SPG21: variants seen among roughly 807,000 people sequenced by gnomAD.
SPG21 encodes SPG21 abhydrolase domain containing, maspardin, also known as maspardin.
Under a neutral mutation model 38.9 loss-of-function variants are expected in SPG21, and 26 were observed. The observed-to-expected ratio is 0.67, with a 90% confidence interval of 0.49 to 0.93. The LOEUF (loss-of-function observed/expected upper bound fraction) is 0.93, where lower values mean the gene tolerates loss of function less well. Among genes scored for constraint, SPG21 ranks in the 40% least tolerant of loss-of-function variants. The pLI is 0.00. For synonymous variants in SPG21, 136 were observed against 128.9 expected (o/e 1.05, Z -0.37); for missense variants, 333 against 376.5 (o/e 0.88, Z 0.96).
intron 5 of SPG21, among the ~76,000 whole-genome samples, chr15:64,973,692 G>A (rs534390504): frequency 3.3e-5 from 5 of 151,998 alleles, no homozygotes; most frequent in African/African-American, 7.2e-5. Context: ...CAGGTGATCC[G>A]GCCGCCTCGG....
intron 6 of SPG21, 53 bp from the exon 7 acceptor site, chr15:64,969,415 T>C: frequency 8.0e-7 from 1 of 1,244,466 alleles, no homozygotes; most frequent in Non-Finnish European, 1.2e-6. Context: ...TTTTCACATT[T>C]ACATTAAATC....
chr15:64,987,434 C>T (rs779217353), intron 1 of SPG21: 1 of 152,212 alleles, frequency 6.6e-6, no homozygotes, highest in African/African-American at 2.4e-5. Flanking sequence ...GTTTGTTCTC[C>T]TAGCTCTCTT....
chr15:64,986,680 A>C (rs1566933547), intron 1 of SPG21, among the ~76,000 whole-genome samples: 2 of 148,760 alleles, frequency 1.3e-5, no homozygotes, highest in African/African-American at 5.0e-5. Flanking sequence ...AGTCTGTCTC[A>C]AAAACAAAAC....
intron 1 of SPG21, among the ~76,000 whole-genome samples, chr15:64,986,306 C>T (rs1041617697): frequency 3.3e-5 from 5 of 152,078 alleles, no homozygotes; most frequent in African/African-American, 7.2e-5. Context: ...GCAGAGGTTG[C>T]GGTGAGCCAA....
chr15:64,984,636 G>A (rs1189870657), intron 1 of SPG21, among the ~76,000 whole-genome samples: 1 of 152,070 alleles, frequency 6.6e-6, no homozygotes. Flanking sequence ...ACGGGTATGA[G>A]CTACCACACC....
rs763037150 is a variant in SPG21, at chr15:64,980,987, G to C, written c.102C>G (p.Leu34=). ...VDDDDSKIWS[L]YDAGPRSIRC... ...TGATACTTCGGGGGCCCGCGTCATA[G>C]AGCGACCATATCTTACTGTCATCAT... Residue 34 remains leucine (L), a synonymous_variant, in exon 3 of 9, where the codon CTC becomes CTG. Coordinates refer to ENST00000204566, the MANE Select transcript of SPG21 (RefSeq NM_016630.7). 30 of 1,614,028 alleles carry C rather than the reference G, an allele frequency of 1.9e-5. No homozygotes were observed. Among genetic ancestry groups the C allele is most frequent in the Non-Finnish European group, 2.5e-5 (30 of 1,180,030 alleles).
At position 64,963,347 on chromosome 15, in the gene SPG21, C is replaced by A; in HGVS notation, c.*273G>T. On this transcript the variant is annotated 3_prime_UTR_variant, in exon 9 of 9. Coordinates refer to ENST00000204566, the MANE Select transcript of SPG21 (RefSeq NM_016630.7). ...TCACTTAAGAACACAGTGGTGAAGA[C>A]TTTTGGTAGCAAAATTTGCACGGTT... 2.4e-6 allele frequency: 1 copy of A among 411,346 alleles called. No homozygotes were observed. The highest frequency in any genetic ancestry group is 3.4e-5 in the South Asian group (1 of 29,790). 25.5% of individuals were successfully genotyped at this position (411,346 alleles called of 1,614,324 possible). A position where few individuals can be genotyped will look rare whatever the true frequency, so the allele number is the denominator to read the frequency against.
chr15:64,983,403 G>A, intron 2 of SPG21, 104 bp downstream of exon 2: 1 of 806,072 alleles, frequency 1.2e-6, no homozygotes, highest in African/African-American at 1.7e-5. Context: ...ATGATACTCG[G>A]CAGTAACCTT....
rs529810276 is a variant in SPG21, at chr15:64,980,717, G to A, written c.225+147C>T. 1.0e-4 allele frequency: 100 copies of A among 986,308 alleles called. No homozygotes were observed. In the South Asian group the frequency reaches 1.2e-3, roughly 12 times the overall value. The allele number at this position is 986,308 out of a possible 1,614,324, so 61.1% of individuals were successfully genotyped here. On this transcript the variant is annotated intron_variant, in intron 3 of 8. Coordinates refer to ENST00000204566, the MANE Select transcript of SPG21 (RefSeq NM_016630.7). ...CACGCCACTGCACTCCAGCCCGGGC[G>A]ACAGAGTGAGAATCCATCTCAACAA...
At chr15:64,972,125 A>AC (rs2085678365) in intron 5 of SPG21, among the ~76,000 whole-genome samples, 1 of 152,202 alleles carries the variant, frequency 6.6e-6, no homozygotes, top group South Asian at 2.1e-4. Context: ...GATGCTTATT[A>AC]CCACTGGGAC....
intron 1 of SPG21, among the ~76,000 whole-genome samples, chr15:64,984,894 C>T (rs919120515): frequency 6.6e-6 from 1 of 151,942 alleles, no homozygotes; most frequent in Non-Finnish European, 1.5e-5. Flanking sequence ...GGATTACAGG[C>T]ACCTGCCACT....
At chr15:64,978,553 G>C (rs1018264725) in intron 3 of SPG21, among the ~76,000 whole-genome samples, 3 of 152,150 alleles carry the variant, frequency 2.0e-5, no homozygotes, top group Non-Finnish European at 2.9e-5. Flanking sequence ...CACTGGAATG[G>C]ATACTGCCAT....
chr15:64,974,786 G>A (rs765506675), intron 4 of SPG21, 39 bp from the exon 5 acceptor site: 21 of 1,612,542 alleles, frequency 1.3e-5, no homozygotes, highest in Non-Finnish European at 1.7e-5. Flanking sequence ...CTGAAATACT[G>A]ATCAATCTTG....
At chr15:64,976,719 A>G (rs2085782986) in intron 3 of SPG21, among the ~76,000 whole-genome samples, 164 bp from the exon 4 acceptor site, 1 of 152,202 alleles carries the variant, frequency 6.6e-6, no homozygotes, top group South Asian at 2.1e-4. Flanking sequence ...ACTAAACTTC[A>G]TATTTCACAT....
At chr15:64,978,027 T>C (rs1408904648) in intron 3 of SPG21, among the ~76,000 whole-genome samples, 2 of 148,790 alleles carry the variant, frequency 1.3e-5, no homozygotes, top group Non-Finnish European at 3.0e-5. Flanking sequence ...GAGACGGGGT[T>C]TCACCATGTT....
At chr15:64,963,814 T>G in intron 8 of SPG21, 78 bp from the exon 9 acceptor site, 1 of 1,323,582 alleles carries the variant, frequency 7.6e-7, no homozygotes, top group Non-Finnish European at 1.1e-6. Flanking sequence ...TGGAGTGCAG[T>G]GGCACTATCT....
chr15:64,965,078 G>C (rs2085516161), intron 8 of SPG21, among the ~76,000 whole-genome samples: 1 of 152,168 alleles, frequency 6.6e-6, no homozygotes, highest in Non-Finnish European at 1.5e-5. Flanking sequence ...CTCAGTGTGT[G>C]AATGCAGGCC....
chr15:64,975,802 G>A (rs750125940), intron 4 of SPG21, among the ~76,000 whole-genome samples: 5 of 151,988 alleles, frequency 3.3e-5, no homozygotes, highest in East Asian at 1.9e-4. Flanking sequence ...TATTGATTCC[G>A]GCTTCAACAT....
In SPG21 at chr15:64,976,471, T is replaced by G; in HGVS notation, c.306+4A>C. ...ATGTATGTAATTAGTTTCAGGGTAC[T>G]CACTTTATCCAATTGTAAATGGTCT... is the stretch of plus-strand genomic sequence containing the variant. On this transcript the variant is annotated splice_donor_region_variant and intron_variant, in intron 4 of 8. Transcript: ENST00000204566. The G allele has an allele frequency of 6.2e-7, 1 of 1,601,046 alleles. No individual in the cohort carries two copies. The highest frequency in any genetic ancestry group is 8.6e-7 in the Non-Finnish European group (1 of 1,168,334).
Sources: allele counts gnomAD v4.1 joint callset (sites outside exome capture counted in the v4.1 genomes callset), GRCh38; gene constraint gnomAD v4.1.1; transcripts MANE v1.5; gene names NCBI Gene and HGNC (gene_info 2026-07-23, HGNC 2026-07-21).